GPHN: variants seen among roughly 807,000 people sequenced by gnomAD.
GPHN encodes gephyrin.
In GPHN, 17 loss-of-function variants were observed where a neutral mutation model predicts 95.5. That is an observed-to-expected ratio of 0.18 (90% CI 0.12 to 0.27). The LOEUF (loss-of-function observed/expected upper bound fraction) is 0.27, where lower values mean the gene tolerates loss of function less well. Ranked by LOEUF, GPHN falls within the 10% of genes least tolerant of loss-of-function variation. GPHN has a pLI of 1.00. For synonymous variants in GPHN, 320 were observed against 322.5 expected (o/e 0.99, Z 0.08); for missense variants, 660 against 978.1 (o/e 0.67, Z 4.34).
chr14:66,673,902 TATTTC>T (rs1007531546), intron 1 of GPHN, among the ~76,000 whole-genome samples: 7 of 152,202 alleles, frequency 4.6e-5, no homozygotes, highest in African/African-American at 1.4e-4. Flanking sequence ...TACAGAGTGA[TATTTC>T]AATACATTTA....
the GPHN span, among the ~76,000 whole-genome samples, chr14:67,527,433 C>T: frequency 6.6e-6 from 1 of 151,732 alleles, no homozygotes; most frequent in African/African-American, 2.4e-5. Flanking sequence ...AGTGAAACTC[C>T]ATCTCAAAAA....
intron 1 of GPHN, among the ~76,000 whole-genome samples, chr14:66,636,959 G>A (rs1364393168): frequency 2.0e-5 from 3 of 151,998 alleles, no homozygotes; most frequent in African/African-American, 2.4e-5. Flanking sequence ...ATTTCACAAC[G>A]CTACTCTTAG....
At chr14:67,240,588 C>T in the GPHN span, among the ~76,000 whole-genome samples, 1 of 152,176 alleles carries the variant, frequency 6.6e-6, no homozygotes, top group Non-Finnish European at 1.5e-5. Flanking sequence ...CAGAGACCAT[C>T]CGAGGGCTTT....
At chr14:66,658,826 A>C (rs2065460463) in intron 1 of GPHN, among the ~76,000 whole-genome samples, 1 of 151,562 alleles carries the variant, frequency 6.6e-6, no homozygotes, top group African/African-American at 2.4e-5. Context: ...AGTACCTCCA[A>C]GGTGTGCTTG....
intron 2 of GPHN, among the ~76,000 whole-genome samples, chr14:66,689,597 A>G (rs996434067): frequency 2.0e-4 from 30 of 152,128 alleles, no homozygotes; most frequent in Non-Finnish European, 2.1e-4. Context: ...CTCCTTCTCA[A>G]TTTTCTGGAA....
At chr14:66,887,608 T>C (rs1389630949) in intron 5 of GPHN, among the ~76,000 whole-genome samples, 1 of 151,996 alleles carries the variant, frequency 6.6e-6, no homozygotes, top group Non-Finnish European at 1.5e-5. Flanking sequence ...ATGATAGGAC[T>C]ATAGAATACT....
At chr14:67,112,037 C>A in intron 15 of GPHN, 118 bp downstream of exon 15, 1 of 809,054 alleles carries the variant, frequency 1.2e-6, no homozygotes. Context: ...ATTTTCAGGG[C>A]TTTAACAAAA....
chr14:66,704,529 A>C (rs567401726), intron 2 of GPHN, among the ~76,000 whole-genome samples: 1 of 152,164 alleles, frequency 6.6e-6, no homozygotes, highest in East Asian at 1.9e-4. Context: ...ACACAATTGC[A>C]TGGAGGTTGA....
intron 8 of GPHN, among the ~76,000 whole-genome samples, chr14:66,956,584 G>T (rs2068521251): frequency 1.3e-5 from 2 of 151,766 alleles, no homozygotes; most frequent in South Asian, 4.2e-4. Flanking sequence ...ATTCTAACTG[G>T]TGTGAGATGG....
At chr14:67,620,853 A>G in the GPHN span, 2 of 1,609,746 alleles carry the variant, frequency 1.2e-6, no homozygotes, top group Non-Finnish European at 1.7e-6. Context: ...TTTTTCCGAC[A>G]CCTTCTCTAC....
the GPHN span, chr14:67,295,112 T>G: frequency 6.6e-6 from 1 of 151,442 alleles, no homozygotes. Context: ...GAAGTGTGTG[T>G]GTGTGTGTGT....
chr14:67,157,353 C>G (rs1451559761), intron 18 of GPHN, among the ~76,000 whole-genome samples: 1 of 151,970 alleles, frequency 6.6e-6, no homozygotes, highest in African/African-American at 2.4e-5. Flanking sequence ...AATATAACCT[C>G]AAAATGAAAA....
At chr14:66,927,300 G>C (rs1435604170) in intron 8 of GPHN, among the ~76,000 whole-genome samples, 3 of 149,050 alleles carry the variant, frequency 2.0e-5, no homozygotes, top group African/African-American at 2.5e-5. Context: ...AGTGAGCTAA[G>C]ATCGTGCCAC....
chr14:66,896,080 C>A (rs540433252), intron 5 of GPHN, among the ~76,000 whole-genome samples: 2 of 152,026 alleles, frequency 1.3e-5, no homozygotes, highest in African/African-American at 4.8e-5. Context: ...TAGCTCCTGA[C>A]GGCTTCTTTT....
the GPHN span, among the ~76,000 whole-genome samples, chr14:67,515,675 C>T: frequency 8.5e-5 from 13 of 152,294 alleles, no homozygotes; most frequent in Non-Finnish European, 1.8e-4. Context: ...CCCTCCCTGT[C>T]CTAGCCAACC....
chr14:66,767,549 T>TA (rs2059010046), intron 2 of GPHN, among the ~76,000 whole-genome samples: 1 of 151,904 alleles, frequency 6.6e-6, no homozygotes, highest in South Asian at 2.1e-4. Context: ...ACTTCTGTCT[T>TA]CTTAGTAAGA....
In GPHN at chr14:66,600,372, T is replaced by C. The variant is rs2062175632; in HGVS notation, c.65-80735T>C. Among the ~76,000 whole-genome samples the C allele has an allele frequency of 2.0e-5, 3 of 152,108 alleles. No homozygotes were observed. In the South Asian group the frequency reaches 6.2e-4, roughly 32 times the overall value. Reference sequence around the variant, plus strand: ...TAGCTCTTAACTATATATTTGTCAGTATTCTAAGTACAGTTGATTCTCACT... The same window carrying C: ...TAGCTCTTAACTATATATTTGTCAGCATTCTAAGTACAGTTGATTCTCACT... On this transcript the variant is annotated intron_variant, in intron 1 of 22. Coordinates refer to ENST00000478722, the MANE Select transcript of GPHN (RefSeq NM_020806.5).
At chr14:66,849,312 T>G (rs560067146) in intron 4 of GPHN, among the ~76,000 whole-genome samples, 2 of 152,132 alleles carry the variant, frequency 1.3e-5, no homozygotes, top group Admixed American at 1.3e-4. Context: ...TTCCCTATCA[T>G]TAAACATTTA....
the GPHN span, among the ~76,000 whole-genome samples, chr14:67,233,703 G>A: frequency 6.6e-6 from 1 of 152,348 alleles, no homozygotes; most frequent in East Asian, 1.9e-4. Flanking sequence ...GGTGGTAGCA[G>A]TGGGGATGGG....
Sources: allele counts gnomAD v4.1 joint callset (sites outside exome capture counted in the v4.1 genomes callset), GRCh38; gene constraint gnomAD v4.1.1; transcripts MANE v1.5; gene names NCBI Gene and HGNC (gene_info 2026-07-23, HGNC 2026-07-21).